The following PRIM2 variants were observed in gnomAD, a reference collection of about 807,000 sequenced individuals.
The protein encoded by PRIM2 is DNA primase large subunit.
A neutral mutation model predicts 67.3 loss-of-function variants in PRIM2; 39 were observed. The ratio of observed to expected loss-of-function variants is 0.58; its 90% CI spans 0.45 to 0.76. The LOEUF is 0.76. PRIM2 is among the 30% of genes least tolerant of loss of function. PRIM2 has a pLI of 0.00. For synonymous variants in PRIM2, 143 were observed against 198.7 expected, an observed-to-expected ratio of 0.72 and a Z score of 2.36; for missense variants, 398 against 598.7, an observed-to-expected ratio of 0.66 and a Z score of 3.50.
chr6:57,261,684 G>A, the PRIM2 span, among the ~76,000 whole-genome samples: 4 of 152,126 alleles, frequency 2.6e-5, no homozygotes, highest in Non-Finnish European at 5.9e-5. Flanking sequence ...GTTTCCAGGT[G>A]GGGGCACAGC....
At chr6:57,470,847 T>C (rs1210764581) in intron 7 of PRIM2, among the ~76,000 whole-genome samples, 5 of 152,162 alleles carry the variant, frequency 3.3e-5, no homozygotes, top group Non-Finnish European at 7.3e-5. Context: ...TCTCAGCGTT[T>C]GGCACTTTAG....
intron 7 of PRIM2, among the ~76,000 whole-genome samples, chr6:57,462,988 T>C (rs2127398114): frequency 6.6e-6 from 1 of 152,336 alleles, no homozygotes; most frequent in South Asian, 2.1e-4. Flanking sequence ...ATGTTAGTAT[T>C]GTTTATATCA....
rs545345075 is a variant in PRIM2, at chr6:57,357,124, G to A, written c.460-22777G>A. On this transcript the variant is annotated intron_variant, in intron 5 of 13. Coordinates refer to ENST00000615550, the MANE Select transcript of PRIM2 (RefSeq NM_000947.5). ...CATTTTTGTAGCTTTAGTAGAGACA[G>A]GGTTTCACCATGATGGCCAAGCTGG... 9.9e-3 allele frequency among the ~76,000 whole-genome samples: 1,502 copies of A among 152,086 alleles called. 30 individuals carry two copies. Among genetic ancestry groups the A allele is most frequent in the African/African-American group, 0.033 (1,367 of 41,484 alleles).
chr6:57,499,229 T>C (rs1322560824), intron 7 of PRIM2, among the ~76,000 whole-genome samples: 1 of 152,238 alleles, frequency 6.6e-6, no homozygotes, highest in Admixed American at 6.5e-5. Flanking sequence ...CAGCTAAGAA[T>C]GGCACATGCC....
intron 7 of PRIM2, among the ~76,000 whole-genome samples, chr6:57,499,219 C>G (rs1218345002): frequency 6.6e-6 from 1 of 152,186 alleles, no homozygotes; most frequent in Non-Finnish European, 1.5e-5. Flanking sequence ...TTTCTTGTTC[C>G]AGCTAAGAAT....
At chr6:57,482,712 A>G (rs1773660542) in intron 7 of PRIM2, among the ~76,000 whole-genome samples, 2 of 152,188 alleles carry the variant, frequency 1.3e-5, no homozygotes, top group East Asian at 1.9e-4. Flanking sequence ...ATGCTTGATA[A>G]GAGAAGGAAG....
intron 7 of PRIM2, among the ~76,000 whole-genome samples, chr6:57,399,659 A>T (rs1770639940): frequency 1.3e-5 from 2 of 152,194 alleles, no homozygotes; most frequent in Admixed American, 1.3e-4. Context: ...TCCCACCAAC[A>T]GTGTAAAATT....
At chr6:57,593,564 A>T (rs1776318889) in intron 10 of PRIM2, among the ~76,000 whole-genome samples, 2 of 152,168 alleles carry the variant, frequency 1.3e-5, no homozygotes. Context: ...CGGCCTCCCA[A>T]AGTACTGGCG....
intron 13 of PRIM2, among the ~76,000 whole-genome samples, chr6:57,642,237 T>C (rs1777251326): frequency 6.7e-6 from 1 of 150,334 alleles, no homozygotes; most frequent in Admixed American, 6.6e-5. Flanking sequence ...TTTGGGGGGG[T>C]TGTGCTAGGG....
chr6:57,236,682 T>C, the PRIM2 span, among the ~76,000 whole-genome samples: 2 of 152,116 alleles, frequency 1.3e-5, 1 homozygote, highest in Admixed American at 1.3e-4. Context: ...TTTTTGTCCT[T>C]GTGATAGTTT....
intron 7 of PRIM2, among the ~76,000 whole-genome samples, chr6:57,503,249 A>G (rs1229072503): frequency 6.6e-6 from 1 of 152,168 alleles, no homozygotes; most frequent in Admixed American, 6.5e-5. Context: ...AATTAATCAG[A>G]TAATTTCAGA....
At chr6:57,613,892 C>T (rs1776707713) in intron 12 of PRIM2, among the ~76,000 whole-genome samples, 1 of 152,088 alleles carries the variant, frequency 6.6e-6, no homozygotes, top group Admixed American at 6.5e-5. Context: ...GCTCTTGTCA[C>T]CCAGGCTGGA....
chr6:57,520,876 C>T (rs1774601579), intron 8 of PRIM2, among the ~76,000 whole-genome samples: 1 of 152,094 alleles, frequency 6.6e-6, no homozygotes, highest in Non-Finnish European at 1.5e-5. Flanking sequence ...TTTATAGTTC[C>T]TACCTGGTAT....
chr6:57,593,911 C>T lies in PRIM2; in HGVS notation c.1021-7182C>T, dbSNP rs1776323521. On this transcript the variant is annotated intron_variant, in intron 10 of 13. Coordinates refer to ENST00000615550, the MANE Select transcript of PRIM2 (RefSeq NM_000947.5). ...AGAAGAGGGAAGTTAATACTTTTAG[C>T]TTTTCTCTTTTAGAGAGATTAGCTT... Among the ~76,000 whole-genome samples the T allele has an allele frequency of 2.0e-5, 3 of 152,274 alleles. No individual in the cohort carries two copies. The South Asian group carries it at 6.2e-4, about 32-fold the overall frequency.
chr6:57,238,398 G>T, the PRIM2 span, among the ~76,000 whole-genome samples: 4 of 152,060 alleles, frequency 2.6e-5, no homozygotes, highest in Non-Finnish European at 4.4e-5. Context: ...TAGAACTCAG[G>T]ATTAAGAAAC....
intron 5 of PRIM2, among the ~76,000 whole-genome samples, chr6:57,362,366 T>G (rs563860000): frequency 2.6e-5 from 4 of 152,330 alleles, no homozygotes; most frequent in African/African-American, 9.6e-5. Flanking sequence ...TTTTTGGAAT[T>G]TATTTTTCCT....
At chr6:57,439,730 A>C (rs890305402) in intron 7 of PRIM2, among the ~76,000 whole-genome samples, 4 of 151,870 alleles carry the variant, frequency 2.6e-5, no homozygotes, top group African/African-American at 9.7e-5. Context: ...GTTCTTTTTT[A>C]ATGTTAAACT....
chr6:57,612,168 G>T (rs1242031430), intron 12 of PRIM2, among the ~76,000 whole-genome samples: 1 of 152,180 alleles, frequency 6.6e-6, no homozygotes, highest in Non-Finnish European at 1.5e-5. Flanking sequence ...CTTTGAAAAG[G>T]AGTGTGGCAA....
intron 7 of PRIM2, among the ~76,000 whole-genome samples, chr6:57,393,235 T>G (rs1012209300): frequency 3.2e-4 from 48 of 152,174 alleles, no homozygotes; most frequent in Non-Finnish European, 6.0e-4. Flanking sequence ...ATCTCCACAC[T>G]GTTTTCCATT....
Sources: gnomAD v4.1 joint callset for allele counts (sites outside exome capture counted in the v4.1 genomes callset) on GRCh38, gnomAD v4.1.1 for gene constraint, MANE v1.5 for transcripts, NCBI Gene and HGNC (gene_info 2026-07-23, HGNC 2026-07-21) for gene names.